The following BRINP3 variants were observed in gnomAD, a reference collection of about 807,000 sequenced individuals.
The protein encoded by BRINP3 is BMP/retinoic acid-inducible neural-specific protein 3.
A neutral mutation model predicts 71.0 loss-of-function variants in BRINP3; 19 were observed. That is an observed-to-expected ratio of 0.27 (90% CI 0.19 to 0.39). The LOEUF is 0.39. BRINP3 is among the 10% of genes least tolerant of loss of function. The probability of loss-of-function intolerance (pLI) is 1.00; values close to 1 mark genes in which losing one functional copy is unlikely to be tolerated. For missense variants in BRINP3, 959 were observed against 940.8 expected (o/e 1.02, Z -0.25); for synonymous variants, 380 against 337.7 (o/e 1.13, Z -1.37).
chr1:190,427,032 G>T (rs1056430910), intron 2 of BRINP3, among the ~76,000 whole-genome samples: 1 of 151,742 alleles, frequency 6.6e-6, no homozygotes, highest in African/African-American at 2.4e-5. Flanking sequence ...CTTCAGGTAT[G>T]TATTTGTATA....
chr1:190,385,687 T>C (rs1348538868), intron 2 of BRINP3, among the ~76,000 whole-genome samples: 5 of 152,038 alleles, frequency 3.3e-5, no homozygotes, highest in African/African-American at 1.2e-4. Context: ...TCCTCAGGGA[T>C]CTAGAACTAG....
At chr1:190,340,913 T>G (rs1370197631) in intron 2 of BRINP3, among the ~76,000 whole-genome samples, 1 of 151,710 alleles carries the variant, frequency 6.6e-6, no homozygotes, top group East Asian at 2.0e-4. Context: ...TCATTCTTTT[T>G]TTTTCCAAGA....
intron 6 of BRINP3, among the ~76,000 whole-genome samples, chr1:190,187,779 A>G (rs1383661740): frequency 6.6e-6 from 1 of 151,240 alleles, no homozygotes; most frequent in Middle Eastern, 3.2e-3. Flanking sequence ...TTTTTTTTCT[A>G]CAGCTTTATA....
At chr1:190,452,722 G>C (rs1675699879) in intron 2 of BRINP3, among the ~76,000 whole-genome samples, 1 of 152,116 alleles carries the variant, frequency 6.6e-6, no homozygotes, top group African/African-American at 2.4e-5. Context: ...TGGGCGCGGT[G>C]GCGGGCGCCT....
At chr1:190,229,642 CAAA>C (rs1473419050) in intron 5 of BRINP3, among the ~76,000 whole-genome samples, 6 of 91,178 alleles carry the variant, frequency 6.6e-5, no homozygotes, top group Non-Finnish European at 1.4e-4. Context: ...AAAAACAAAA[CAAA>C]ACACACACAC....
intron 1 of BRINP3, among the ~76,000 whole-genome samples, 187 bp downstream of exon 1, chr1:190,477,261 A>G (rs1677560009): frequency 6.6e-6 from 1 of 152,202 alleles, no homozygotes; most frequent in African/African-American, 2.4e-5. Flanking sequence ...TATTGGGGTA[A>G]TACATTACAT....
chr1:190,310,139 A>C (rs933872524), intron 2 of BRINP3, among the ~76,000 whole-genome samples: 10 of 151,260 alleles, frequency 6.6e-5, no homozygotes, highest in Non-Finnish European at 1.5e-4. Flanking sequence ...TAACAAACTA[A>C]ACTGATGTTT....
At chr1:190,273,096 T>C in intron 3 of BRINP3, among the ~76,000 whole-genome samples, 1 of 151,350 alleles carries the variant, frequency 6.6e-6, no homozygotes, top group Non-Finnish European at 1.5e-5. Flanking sequence ...CTTTTGTAAT[T>C]ATCTTCTTCA....
chr1:190,388,123 C>G (rs1671030790), intron 2 of BRINP3, among the ~76,000 whole-genome samples: 1 of 151,690 alleles, frequency 6.6e-6, no homozygotes, highest in African/African-American at 2.4e-5. Context: ...GTAAACATAA[C>G]TTAGCATAAA....
At chr1:190,232,299 C>G (rs1366587874) in intron 5 of BRINP3, among the ~76,000 whole-genome samples, 2 of 151,956 alleles carry the variant, frequency 1.3e-5, no homozygotes, top group African/African-American at 2.4e-5. Context: ...AGGAATGCAC[C>G]ATGGTAACAT....
intron 2 of BRINP3, among the ~76,000 whole-genome samples, chr1:190,446,694 TA>T (rs1326910648): frequency 2.1e-4 from 32 of 152,216 alleles, no homozygotes; most frequent in Middle Eastern, 3.4e-3. Context: ...TCAAAGGATC[TA>T]CAGACATCTA....
At chr1:190,433,862 T>C (rs1013552308) in intron 2 of BRINP3, among the ~76,000 whole-genome samples, 4 of 152,144 alleles carry the variant, frequency 2.6e-5, no homozygotes, top group Non-Finnish European at 5.9e-5. Context: ...GAGAAAAAGA[T>C]GTGTGTGCTG....
chr1:190,108,152 C>T (rs1337787511), intron 7 of BRINP3, among the ~76,000 whole-genome samples: 3 of 152,008 alleles, frequency 2.0e-5, no homozygotes, highest in African/African-American at 7.2e-5. Context: ...AGGTGAACTT[C>T]ATCGATCAAA....
intron 2 of BRINP3, among the ~76,000 whole-genome samples, chr1:190,443,396 C>T (rs1387979162): frequency 6.8e-6 from 1 of 147,448 alleles, no homozygotes; most frequent in Non-Finnish European, 1.5e-5. Context: ...CAGAGCAAGA[C>T]TCCGTCTCAA....
intron 2 of BRINP3, among the ~76,000 whole-genome samples, chr1:190,283,596 A>T (rs1414552609): frequency 6.7e-6 from 1 of 150,308 alleles, no homozygotes; most frequent in Non-Finnish European, 1.5e-5. Context: ...ATTTACTTAA[A>T]TCTGAATTGT....
chr1:190,220,880 T>C (rs1169730041), intron 6 of BRINP3, among the ~76,000 whole-genome samples: 1 of 152,190 alleles, frequency 6.6e-6, no homozygotes, highest in Non-Finnish European at 1.5e-5. Flanking sequence ...AAACTCAGAA[T>C]ACTCTGTCAC....
rs537626174 is a variant in BRINP3, at chr1:190,467,406, C to T, written c.-51+10042G>A. On this transcript the variant is annotated intron_variant, in intron 1 of 7. Coordinates refer to ENST00000367462, the MANE Select transcript of BRINP3 (RefSeq NM_199051.3). ...ACAGAAGTGATCGACAACAAGCAAA[C>T]AAAACTAACACCAAGTACTTAAATC... 1.6e-4 allele frequency among the ~76,000 whole-genome samples: 25 copies of T among 151,560 alleles called. 1 individual carries two copies. The South Asian group carries it at 2.1e-3, about 13-fold the overall frequency.
At chr1:190,173,740 CAT>C (rs1652239158) in intron 6 of BRINP3, among the ~76,000 whole-genome samples, 1 of 152,086 alleles carries the variant, frequency 6.6e-6, no homozygotes, top group Admixed American at 6.6e-5. Flanking sequence ...ATATAAGTAA[CAT>C]ATTTTATGAA....
chr1:190,433,394 T>A lies in BRINP3; in HGVS notation c.236+21261A>T, dbSNP rs140864569. Among the ~76,000 whole-genome samples, 3 of 152,266 alleles carry A rather than the reference T, an allele frequency of 2.0e-5. No individual in the cohort carries two copies. The East Asian group carries it at 5.8e-4, about 29-fold the overall frequency. ...ACTTTCTGGGTTCTTATTAACCTCA[T>A]CTAAGATTAACACCCTCTAACATCA... is the stretch of plus-strand genomic sequence containing the variant. On this transcript the variant is annotated intron_variant, in intron 2 of 7. Transcript: ENST00000367462.
Sources: gnomAD v4.1 joint callset for allele counts (sites outside exome capture counted in the v4.1 genomes callset) on GRCh38, gnomAD v4.1.1 for gene constraint, MANE v1.5 for transcripts, NCBI Gene and HGNC (gene_info 2026-07-23, HGNC 2026-07-21) for gene names.